N4BP1: variants seen among roughly 807,000 people sequenced by gnomAD.
N4BP1 encodes the protein NEDD4-binding protein 1.
N4BP1 carries 21 observed loss-of-function variants against 70.9 expected under a neutral mutation model. The ratio of observed to expected loss-of-function variants is 0.30; its 90% confidence interval spans 0.21 to 0.43. N4BP1 has a LOEUF of 0.43. Among genes scored for constraint, N4BP1 ranks in the 20% least tolerant of loss-of-function variants. N4BP1 has a pLI of 1.00. For synonymous variants in N4BP1, 387 were observed against 394.6 expected (o/e 0.98, Z 0.23); for missense variants, 936 against 1,069.4 (o/e 0.88, Z 1.74).
At position 48,543,156 on chromosome 16, in the gene N4BP1, G is replaced by C. The variant is rs746835538; in HGVS notation, c.2439C>G (p.Thr813=). 1 of 1,603,112 alleles carries C rather than the reference G, an allele frequency of 6.2e-7. No individual in the cohort carries two copies. The highest frequency in any genetic ancestry group is 1.1e-5 in the South Asian group (1 of 90,640). Residue 813 remains threonine (T), a synonymous_variant, in exon 7 of 7, where the codon ACC becomes ACG. Transcript: ENST00000262384. The stretch of plus-strand genomic sequence containing the variant: ...GGCTTGAAGGGGCTCCCTGAATCCG[G>C]GTCGGAGGCTGGTGGCTGGTGCTGG... ...QAASTSHQPP[T]RIQGAPSSHW... is the part of the protein sequence containing the mutation.
Position 48,577,823 on chromosome 16 carries a change from G to A in N4BP1, c.199-15379C>T, listed in dbSNP as rs557759226. 12 of 157,902 alleles carry A rather than the reference G, an allele frequency of 7.6e-5. 1 individual carries two copies. The South Asian group carries it at 1.3e-3, about 17-fold the overall frequency. The allele number at this position is 157,902 out of a possible 1,614,324, so 9.8% of individuals were successfully genotyped here. A position where few individuals can be genotyped will look rare whatever the true frequency, so the allele number is the denominator to read the frequency against. ...CCAGTGCCCCTGGGCGCAGGGATGA[G>A]GCGCACAAGCACAGAGCTGCAGTGG... On this transcript the variant is annotated intron_variant, in intron 1 of 6. Coordinates refer to ENST00000262384, the MANE Select transcript of N4BP1 (RefSeq NM_153029.4).
intron 2 of N4BP1, 152 bp downstream of exon 2, chr16:48,560,602 A>G (rs146166291): frequency 0.023 from 22,054 of 952,822 alleles, 325 homozygotes; most frequent in Non-Finnish European, 0.028. Context: ...AACCTTTCCA[A>G]CCAGTTGGTT....
chr16:48,573,644 A>G, intron 1 of N4BP1, among the ~76,000 whole-genome samples: 1 of 152,112 alleles, frequency 6.6e-6, no homozygotes, highest in East Asian at 1.9e-4. Flanking sequence ...GTTGACCCCC[A>G]AACAATACAG....
rs765525051 is a variant in N4BP1 at position 48,560,953 on chromosome 16, G to A, written c.1690C>T (p.Pro564Ser). Residue 564 changes from proline to serine, a missense_variant, in exon 2 of 7, where the codon CCA becomes TCA. Pro to Ser is a moderately conservative substitution (Grantham distance 74, BLOSUM62 -1). Around this residue, in one of 4 missense-constraint regions of N4BP1, gnomAD observed 515 missense variants for 491.7 expected, o/e 1.05. Transcript: ENST00000262384. The stretch of plus-strand genomic sequence containing the variant: ...GGTAACAGCTGGGGCAGTGGCATTG[G>A]TGGAGAAAGGGTTGAGCAATTTGGC... The part of the protein sequence containing the change: ...SKPNCSTLSP[P>S]MPLPQLLPSV... 1 of 1,614,020 alleles carries A rather than the reference G, an allele frequency of 6.2e-7. No homozygotes were observed.
intron 1 of N4BP1, among the ~76,000 whole-genome samples, chr16:48,605,170 T>A (rs1398945081): frequency 6.6e-6 from 1 of 151,998 alleles, no homozygotes; most frequent in African/African-American, 2.4e-5. Flanking sequence ...GTAGCTGGGA[T>A]TACATGCATG....
At chr16:48,604,260 A>T (rs1347984045) in intron 1 of N4BP1, among the ~76,000 whole-genome samples, 1 of 152,162 alleles carries the variant, frequency 6.6e-6, no homozygotes, top group Non-Finnish European at 1.5e-5. Flanking sequence ...CAAGTATTAG[A>T]AACATATGGG....
intron 1 of N4BP1, among the ~76,000 whole-genome samples, chr16:48,599,333 G>C (rs1337028921): frequency 2.6e-5 from 4 of 152,164 alleles, no homozygotes; most frequent in Non-Finnish European, 5.9e-5. Flanking sequence ...AGGAGCTAAT[G>C]GGGGCATGGT....
intron 1 of N4BP1, among the ~76,000 whole-genome samples, chr16:48,576,431 A>T (rs1008357432): frequency 6.6e-6 from 1 of 152,094 alleles, no homozygotes; most frequent in African/African-American, 2.4e-5. Flanking sequence ...TACTGAGTGT[A>T]CTCCTAGAGA....
chr16:48,582,090 C>T (rs532003991), intron 1 of N4BP1, among the ~76,000 whole-genome samples: 3 of 152,120 alleles, frequency 2.0e-5, no homozygotes, highest in Admixed American at 6.5e-5. Flanking sequence ...GAACTCAAAA[C>T]AACAAGAGCA....
intron 6 of N4BP1, among the ~76,000 whole-genome samples, chr16:48,543,499 G>A (rs1963540781): frequency 6.6e-6 from 1 of 152,134 alleles, no homozygotes; most frequent in African/African-American, 2.4e-5. Context: ...CTATGAGGGA[G>A]CACCACCCTC....
At chr16:48,543,916 G>A (rs1286163972) in intron 6 of N4BP1, among the ~76,000 whole-genome samples, 1 of 152,160 alleles carries the variant, frequency 6.6e-6, no homozygotes, top group Non-Finnish European at 1.5e-5. Context: ...ACCGATTTCT[G>A]AGCCGCTCCA....
At position 48,561,341 on chromosome 16, in the gene N4BP1, T is replaced by C. The variant is rs774769625; in HGVS notation, c.1302A>G (p.Thr434=). The change falls in exon 2 of 7, where the codon ACA becomes ACG. Residue 434 remains threonine, a synonymous_variant. Transcript: ENST00000262384. Reference sequence around the variant, plus strand: ...AAAATTTTTCTACCATATTTTGCTGTGTGTGAGCCTGTGTTTTCTTTGGAG... The same window carrying C: ...AAAATTTTTCTACCATATTTTGCTGCGTGTGAGCCTGTGTTTTCTTTGGAG... ...DSTPKKTQAH[T]QQNMVEKFSQ... 3.7e-6 allele frequency: 6 copies of C among 1,613,820 alleles called. No individual in the cohort carries two copies. The highest frequency in any genetic ancestry group is 1.7e-5 in the Admixed American group (1 of 59,968).
At chr16:48,591,867 T>C (rs921605726) in intron 1 of N4BP1, among the ~76,000 whole-genome samples, 18 of 145,618 alleles carry the variant, frequency 1.2e-4, no homozygotes, top group African/African-American at 4.5e-4. Context: ...CTGTTCAGCT[T>C]TACATTATGT....
At chr16:48,546,505 T>C in intron 5 of N4BP1, 1 of 342,558 alleles carries the variant, frequency 2.9e-6, no homozygotes. Context: ...ACTTGCAGAT[T>C]TGTACTGGGC....
rs556651180 is a variant in N4BP1, at chr16:48,571,109, C to T, written c.199-8665G>A. Among the ~76,000 whole-genome samples the T allele has an allele frequency of 7.8e-4, 119 of 152,306 alleles. 2 individuals carry two copies. The South Asian group carries it at 0.011, about 14-fold the overall frequency. On this transcript the variant is annotated intron_variant, in intron 1 of 6. Transcript: ENST00000262384. Reference sequence around the variant, plus strand: ...GCCTGGGCAGCTTACTCTATCTTATCCAGAACTGGAAACTTCTTGCCTGTT... The same window carrying T: ...GCCTGGGCAGCTTACTCTATCTTATTCAGAACTGGAAACTTCTTGCCTGTT...
chr16:48,585,193 A>C (rs1200670500), intron 1 of N4BP1, among the ~76,000 whole-genome samples: 1 of 152,042 alleles, frequency 6.6e-6, no homozygotes, highest in Non-Finnish European at 1.5e-5. Flanking sequence ...TCAGCCTCCC[A>C]AAGTGCTAGG....
rs897312168 is a variant in N4BP1 at position 48,539,993 on chromosome 16, G to A, written c.*2911C>T. The A allele has an allele frequency of 4.6e-5, 7 of 152,384 alleles. No homozygotes were observed. Among genetic ancestry groups the A allele is most frequent in the African/African-American group, 1.4e-4 (6 of 41,476 alleles). 9.4% of individuals were successfully genotyped at this position (152,384 alleles called of 1,614,324 possible). A position where few individuals can be genotyped will look rare whatever the true frequency, so the allele number is the denominator to read the frequency against. On this transcript the variant is annotated 3_prime_UTR_variant, in exon 7 of 7. Transcript: ENST00000262384. ...TTTGCAAACTGGGAAGTGGAGAGTG[G>A]GAGGTGAGGGGAAGCACTAGCAATG...
At chr16:48,571,413 A>G (rs1316464667) in intron 1 of N4BP1, among the ~76,000 whole-genome samples, 1 of 152,180 alleles carries the variant, frequency 6.6e-6, no homozygotes, top group Non-Finnish European at 1.5e-5. Context: ...CAGAGCTTCC[A>G]TTTCAGATTT....
intron 4 of N4BP1, among the ~76,000 whole-genome samples, chr16:48,548,673 C>A (rs546803034): frequency 1.3e-5 from 2 of 151,670 alleles, no homozygotes; most frequent in African/African-American, 2.4e-5. Flanking sequence ...ATGGTGAAAC[C>A]CCGTCTCTAC....
Sources: allele counts gnomAD v4.1 joint callset (sites outside exome capture counted in the v4.1 genomes callset), GRCh38; gene constraint gnomAD v4.1.1; regional missense constraint gnomAD v4.1.1; transcripts MANE v1.5; gene names NCBI Gene and HGNC (gene_info 2026-07-23, HGNC 2026-07-21).